The following EXTL3 variants were observed in gnomAD, a reference collection of about 807,000 sequenced individuals.
EXTL3 encodes the protein exostosin-like 3.
Under a neutral mutation model 69.3 loss-of-function variants are expected in EXTL3, and 27 were observed. The observed-to-expected ratio is 0.39, with a 90% CI of 0.29 to 0.54. The LOEUF (loss-of-function observed/expected upper bound fraction) is 0.54, where lower values mean the gene tolerates loss of function less well. Ranked by LOEUF, EXTL3 falls within the 20% of genes least tolerant of loss-of-function variation. EXTL3 has a pLI of 0.69. For synonymous variants in EXTL3, 511 were observed against 499.4 expected (o/e 1.02, Z -0.31); for missense variants, 1,003 against 1,231.8 (o/e 0.81, Z 2.78).
At position 28,717,474 on chromosome 8, in the gene EXTL3, A is replaced by G. The variant is rs371239022; in HGVS notation, c.1415A>G (p.Tyr472Cys). The change falls in exon 3 of 7, where the codon TAC (tyrosine) becomes TGC (cysteine). Residue 472 changes from tyrosine (Y) to cysteine (C), a missense_variant. This residue lies in a region of EXTL3 where 742 missense variants were observed against 815.4 expected (regional missense o/e 0.91). Coordinates refer to ENST00000220562, the MANE Select transcript of EXTL3 (RefSeq NM_001440.4). The surrounding 1 kb of genome is among the most constrained non-coding windows in gnomAD (Gnocchi z 8.3). ...CTGGGGGAGCAGGTCCAGCTTCCCT[A>G]CCAGGACATGCTGCAGTGGAACGAG... ...VVLGEQVQLP[Y>C]QDMLQWNEAA... 1 of 1,614,000 alleles carries G rather than the reference A, an allele frequency of 6.2e-7. No individual in the cohort carries two copies. Among genetic ancestry groups the G allele is most frequent in the Non-Finnish European group, 8.5e-7 (1 of 1,180,032 alleles).
At chr8:28,702,415 G>A (rs1269968133) in intron 1 of EXTL3, among the ~76,000 whole-genome samples, 2 of 152,200 alleles carry the variant, frequency 1.3e-5, no homozygotes, top group Non-Finnish European at 1.5e-5. Flanking sequence ...CCTATTCCGA[G>A]CCCCTCGGAG....
At chr8:28,723,571 C>G (rs1801343008) in intron 3 of EXTL3, among the ~76,000 whole-genome samples, 1 of 151,176 alleles carries the variant, frequency 6.6e-6, no homozygotes, top group Non-Finnish European at 1.5e-5. Flanking sequence ...GAATCTGAGA[C>G]TGTAAGAATT....
At chr8:28,709,778 C>A (rs1563212045) in intron 1 of EXTL3, among the ~76,000 whole-genome samples, 1 of 152,056 alleles carries the variant, frequency 6.6e-6, no homozygotes, top group Non-Finnish European at 1.5e-5. Flanking sequence ...CAGATAATCG[C>A]AGTTTGCTAT....
intron 2 of EXTL3, among the ~76,000 whole-genome samples, chr8:28,611,732 TTGC>T (rs1806274380): frequency 6.6e-6 from 1 of 152,232 alleles, no homozygotes; most frequent in Admixed American, 6.5e-5. Context: ...CTTTGCTCCC[TTGC>T]CCACAGTGCC....
chr8:28,666,953 A>G (rs1289488356), intron 1 of EXTL3, among the ~76,000 whole-genome samples: 1 of 152,154 alleles, frequency 6.6e-6, no homozygotes, highest in South Asian at 2.1e-4. Flanking sequence ...CTTACCTTGC[A>G]TAAAGGTCCC....
upstream of EXTL3, chr8:28,696,741 G>A (rs1027092711): frequency 6.6e-6 from 1 of 152,082 alleles, no homozygotes; most frequent in Non-Finnish European, 1.5e-5. Context: ...TGTATTTTTA[G>A]TAGAGACGGG....
At chr8:28,672,787 A>G (rs995705497) in intron 1 of EXTL3, among the ~76,000 whole-genome samples, 3 of 152,140 alleles carry the variant, frequency 2.0e-5, no homozygotes, top group African/African-American at 7.2e-5. Flanking sequence ...TAAAACCTAG[A>G]AAGGTAACCG....
At chr8:28,755,812 A>G (rs920298609), downstream of EXTL3, among the ~76,000 whole-genome samples, 6 of 152,216 alleles carry the variant, frequency 3.9e-5, no homozygotes, top group African/African-American at 1.4e-4. Flanking sequence ...CATTGAAACT[A>G]CTTACATTCT....
chr8:28,713,431 G>GT, intron 1 of EXTL3, 26 bp from the exon 2 acceptor site: 3 of 666,598 alleles, frequency 4.5e-6, no homozygotes, highest in Non-Finnish European at 8.0e-6. Flanking sequence ...TTCTATTTTT[G>GT]TTTTTTGTTT....
At chr8:28,670,767 C>T (rs960073221) in intron 1 of EXTL3, among the ~76,000 whole-genome samples, 2 of 152,148 alleles carry the variant, frequency 1.3e-5, no homozygotes, top group Non-Finnish European at 2.9e-5. Context: ...TAATGTCATC[C>T]CCAGACACCT....
chr8:28,742,826 A>T (rs1265295986), intron 5 of EXTL3: 7 of 466,892 alleles, frequency 1.5e-5, no homozygotes, highest in Non-Finnish European at 2.8e-5. Context: ...TGATTTCAAA[A>T]TCACTGCGGT....
At chr8:28,719,104 G>A (rs1486078442) in intron 3 of EXTL3, among the ~76,000 whole-genome samples, 1 of 152,110 alleles carries the variant, frequency 6.6e-6, no homozygotes, top group African/African-American at 2.4e-5. Flanking sequence ...AAAGTCTGAT[G>A]GGCCACACGT....
intron 1 of EXTL3, among the ~76,000 whole-genome samples, chr8:28,692,449 C>T (rs1041131175): frequency 6.6e-6 from 1 of 152,138 alleles, no homozygotes; most frequent in East Asian, 1.9e-4. Context: ...TAGGGGAAAA[C>T]TTTCTCTTCA....
chr8:28,740,729 TAATA>T (rs1438299624), intron 5 of EXTL3: 1 of 152,222 alleles, frequency 6.6e-6, no homozygotes, highest in African/African-American at 2.4e-5. Context: ...GACCTGTACC[TAATA>T]TATATGTATA....
intron 6 of EXTL3, among the ~76,000 whole-genome samples, chr8:28,746,298 A>G (rs1801886491): frequency 6.6e-6 from 1 of 152,164 alleles, no homozygotes; most frequent in Non-Finnish European, 1.5e-5. Context: ...TACTTTTGCA[A>G]GGAGAACACA....
At chr8:28,707,569 T>C (rs2130715858) in intron 1 of EXTL3, among the ~76,000 whole-genome samples, 1 of 152,364 alleles carries the variant, frequency 6.6e-6, no homozygotes, top group Non-Finnish European at 1.5e-5. Flanking sequence ...CTATGTTGAT[T>C]GAGCTGCCAT....
At chr8:28,713,619 T>C (rs1801076626) in intron 2 of EXTL3, 69 bp downstream of exon 2, 6 of 687,410 alleles carry the variant, frequency 8.7e-6, no homozygotes, top group Admixed American at 2.2e-5. Flanking sequence ...CATTCTGTTG[T>C]TTCTTTGTTA....
In EXTL3 at chr8:28,743,222, C is replaced by A; in HGVS notation, c.2550+8C>A. ...CGGAAGCCCCCCATCAAGGTGAGGT[C>A]CCACCACTGGTGGGGCTGTGGATGC... On this transcript the variant is annotated splice_region_variant and intron_variant, in intron 6 of 6. Coordinates refer to ENST00000220562, the MANE Select transcript of EXTL3 (RefSeq NM_001440.4). The A allele has an allele frequency of 6.2e-7, 1 of 1,614,148 alleles. No homozygotes were observed. Among genetic ancestry groups the A allele is most frequent in the Non-Finnish European group, 8.5e-7 (1 of 1,180,008 alleles).
At chr8:28,745,067 C>T (rs1434234714) in intron 6 of EXTL3, among the ~76,000 whole-genome samples, 1 of 151,866 alleles carries the variant, frequency 6.6e-6, no homozygotes, top group Non-Finnish European at 1.5e-5. Context: ...TGTAGTGGCA[C>T]ATGCCTGGTA....
Sources: allele counts gnomAD v4.1 joint callset (sites outside exome capture counted in the v4.1 genomes callset), GRCh38; gene constraint gnomAD v4.1.1; regional missense constraint gnomAD v4.1.1; non-coding constraint Gnocchi (gnomAD v3.1); transcripts MANE v1.5; gene names NCBI Gene and HGNC (gene_info 2026-07-23, HGNC 2026-07-21).